The following SRGAP2C variants were observed in gnomAD, a reference collection of about 807,000 sequenced individuals.
SRGAP2C encodes SLIT-ROBO Rho GTPase-activating protein 2C.
SRGAP2C carries 15 observed loss-of-function variants against 25.1 expected under a neutral mutation model. The ratio of observed to expected loss-of-function variants is 0.60; its 90% CI spans 0.40 to 0.92. The LOEUF (loss-of-function observed/expected upper bound fraction) is 0.92. Among genes scored for constraint, SRGAP2C ranks in the 40% least tolerant of loss-of-function variants. The pLI is 0.00. For synonymous variants in SRGAP2C, 44 were observed against 96.6 expected (o/e 0.46, Z 3.19); for missense variants, 144 against 264.4 (o/e 0.54, Z 3.16).
chr1:121,261,094 A>ATTTTTTTTTTTTT lies in SRGAP2C; in HGVS notation c.68-23692_68-23680dup, dbSNP rs1211026484. ...CAGACATGCACCACCACACCTGGCT[A>ATTTTTTTTTTTTT]TTTTTTTTTTTTTTTTTTTTTTTTT... is the stretch of plus-strand genomic sequence containing the variant. On this transcript the variant is annotated intron_variant, in intron 2 of 9. Transcript: ENST00000367123. 3.0e-4 allele frequency among the ~76,000 whole-genome samples: 8 copies of ATTTTTTTTTTTTT among 26,266 alleles called. 1 individual carries two copies. The highest frequency in any genetic ancestry group is 7.6e-4 in the African/African-American group (5 of 6,552). The allele number at this position is 26,266 out of a possible 152,430, so 17.2% of individuals were successfully genotyped here. A position where few individuals can be genotyped will look rare whatever the true frequency, so the allele number is the denominator to read the frequency against.
At chr1:121,272,390 GTCCAGT>G (rs1430906647) in intron 2 of SRGAP2C, among the ~76,000 whole-genome samples, 1 of 151,810 alleles carries the variant, frequency 6.6e-6, no homozygotes, top group East Asian at 1.9e-4. Flanking sequence ...AGCCCAGGCA[GTCCAGT>G]TCCAGGGTCA....
intron 4 of SRGAP2C, among the ~76,000 whole-genome samples, chr1:121,331,243 T>C (rs1203602248): frequency 3.5e-4 from 17 of 48,380 alleles, no homozygotes; most frequent in Non-Finnish European, 4.9e-4. Flanking sequence ...CAGATATGAC[T>C]AATTTAAGGA....
chr1:121,249,569 TATATATA>T (rs1656299970), intron 2 of SRGAP2C, among the ~76,000 whole-genome samples: 1 of 30,406 alleles, frequency 3.3e-5, no homozygotes, highest in African/African-American at 1.6e-4. Flanking sequence ...TATATATATA[TATATATA>T]TATATTTTTT....
chr1:121,367,151 C>T (rs1483441208), intron 5 of SRGAP2C, among the ~76,000 whole-genome samples: 37 of 151,824 alleles, frequency 2.4e-4, no homozygotes, highest in Non-Finnish European at 4.9e-4. Context: ...CTGAGAATTG[C>T]CTGAGTGTGG....
chr1:121,191,628 G>T (rs868917288), intron 2 of SRGAP2C, among the ~76,000 whole-genome samples: 40 of 151,538 alleles, frequency 2.6e-4, no homozygotes, highest in African/African-American at 8.7e-4. Context: ...GTGGTAAGGT[G>T]CAGGGCATGG....
chr1:121,285,692 ATATCTTC>A (rs1305470873), intron 3 of SRGAP2C, among the ~76,000 whole-genome samples: 1 of 144,098 alleles, frequency 6.9e-6, no homozygotes, highest in Non-Finnish European at 1.5e-5. Context: ...AGTATTTACT[ATATCTTC>A]TATAGCAGAG....
chr1:121,372,928 A>G (rs587612914), intron 5 of SRGAP2C, among the ~76,000 whole-genome samples: 6 of 93,900 alleles, frequency 6.4e-5, no homozygotes, highest in African/African-American at 2.4e-4. Flanking sequence ...CCCAACTTCT[A>G]CTCTCTAATT....
chr1:121,216,331 G>T (rs1319793799), intron 2 of SRGAP2C, among the ~76,000 whole-genome samples: 1 of 152,188 alleles, frequency 6.6e-6, no homozygotes, highest in East Asian at 1.9e-4. Flanking sequence ...ATTGGGGTTA[G>T]GTTTCCAAAG....
intron 2 of SRGAP2C, among the ~76,000 whole-genome samples, chr1:121,211,093 G>A (rs2101419712): frequency 6.7e-6 from 1 of 148,902 alleles, no homozygotes; most frequent in East Asian, 2.0e-4. Context: ...GCAGGATACA[G>A]GATAGTGAAG....
chr1:121,354,399 T>TC (rs1659011322), intron 4 of SRGAP2C, among the ~76,000 whole-genome samples: 2 of 27,234 alleles, frequency 7.3e-5, no homozygotes, highest in African/African-American at 3.3e-4. Flanking sequence ...TTTTTTTCTT[T>TC]TTTTTTTTTT....
intron 3 of SRGAP2C, among the ~76,000 whole-genome samples, chr1:121,317,011 C>A (rs1336757704): frequency 6.7e-6 from 1 of 148,608 alleles, no homozygotes; most frequent in African/African-American, 2.5e-5. Context: ...GGTGGGCAGG[C>A]AGATTTTCGA....
At chr1:121,313,972 T>C (rs1658026263) in intron 3 of SRGAP2C, among the ~76,000 whole-genome samples, 1 of 141,584 alleles carries the variant, frequency 7.1e-6, no homozygotes, top group Non-Finnish European at 1.5e-5. Context: ...AACGTTGGCC[T>C]GCCTTGTTAG....
intron 2 of SRGAP2C, among the ~76,000 whole-genome samples, chr1:121,278,223 A>G (rs1243222246): frequency 2.6e-5 from 4 of 151,922 alleles, no homozygotes; most frequent in Non-Finnish European, 5.9e-5. Flanking sequence ...CTGGGATTAC[A>G]GGGGTGAGCC....
intron 4 of SRGAP2C, among the ~76,000 whole-genome samples, chr1:121,345,269 T>C (rs1553343485): frequency 6.6e-6 from 1 of 150,502 alleles, no homozygotes; most frequent in Non-Finnish European, 1.5e-5. Context: ...TATGTAAATA[T>C]CCTATTTCTC....
In SRGAP2C at chr1:121,356,934, T is replaced by C. The variant is rs1179762544; in HGVS notation, c.424-8359T>C. On this transcript the variant is annotated intron_variant, in intron 4 of 9. Transcript: ENST00000367123. ...ACATTCAGATTATTATAGGACTGTG[T>C]TTCAGACTGGGAGAGCAGAGGGCCA... 7.2e-5 allele frequency among the ~76,000 whole-genome samples: 11 copies of C among 151,948 alleles called. No homozygotes were observed. In the South Asian group the frequency reaches 2.3e-3, roughly 32 times the overall value.
intron 5 of SRGAP2C, among the ~76,000 whole-genome samples, chr1:121,370,680 G>A (rs1284018579): frequency 1.3e-5 from 2 of 152,102 alleles, no homozygotes; most frequent in South Asian, 4.1e-4. Flanking sequence ...TCCTGACCTC[G>A]TAATCCGCCC....
intron 3 of SRGAP2C, among the ~76,000 whole-genome samples, chr1:121,308,452 A>G (rs1420626843): frequency 2.0e-5 from 3 of 151,324 alleles, no homozygotes; most frequent in African/African-American, 7.3e-5. Context: ...GGGAATTTCC[A>G]GAGAATCAGA....
intron 2 of SRGAP2C, among the ~76,000 whole-genome samples, chr1:121,196,936 T>C (rs587617080): frequency 6.6e-6 from 1 of 151,532 alleles, no homozygotes; most frequent in African/African-American, 2.4e-5. Flanking sequence ...CCAGAGTGAT[T>C]TTTAAAAACT....
At chr1:121,268,262 C>T in intron 2 of SRGAP2C, among the ~76,000 whole-genome samples, 1 of 151,328 alleles carries the variant, frequency 6.6e-6, no homozygotes, top group Middle Eastern at 3.4e-3. Context: ...AGAGAGCTAA[C>T]CACGTGACTG....
Sources: gnomAD v4.1 joint callset for allele counts (sites outside exome capture counted in the v4.1 genomes callset) on GRCh38, gnomAD v4.1.1 for gene constraint, MANE v1.5 for transcripts, NCBI Gene and HGNC (gene_info 2026-07-23, HGNC 2026-07-21) for gene names.